The following PLEKHA8 variants were observed in gnomAD, a reference collection of about 807,000 sequenced individuals.
PLEKHA8 encodes pleckstrin homology domain containing A8, also known as pleckstrin homology domain-containing family A member 8.
In PLEKHA8, 36 loss-of-function variants were observed where a neutral mutation model predicts 68.2. The observed-to-expected ratio is 0.53, with a 90% confidence interval of 0.40 to 0.70. The LOEUF (loss-of-function observed/expected upper bound fraction) is 0.70. PLEKHA8 is among the 30% of genes least tolerant of loss of function. The probability of loss-of-function intolerance (pLI) is 0.00; values close to 1 mark genes in which losing one functional copy is unlikely to be tolerated. For missense variants in PLEKHA8, 505 were observed against 615.4 expected (o/e 0.82, Z 1.90); for synonymous variants, 211 against 216.1 (o/e 0.98, Z 0.20).
intron 13 of PLEKHA8, among the ~76,000 whole-genome samples, chr7:30,105,512 A>T (rs1201091364): frequency 1.3e-5 from 2 of 152,186 alleles, no homozygotes; most frequent in African/African-American, 4.8e-5. Context: ...CAGGAATGAC[A>T]GGATTAAAAC....
In PLEKHA8 at chr7:30,049,633, T is replaced by C. The variant is rs576829565; in HGVS notation, c.597+251T>C. Among the ~76,000 whole-genome samples the C allele has an allele frequency of 4.9e-4, 75 of 152,328 alleles. 1 individual carries two copies. The highest frequency in any genetic ancestry group is 2.4e-4 in the Non-Finnish European group (16 of 68,028). On this transcript the variant is annotated intron_variant, in intron 5 of 13. Coordinates refer to ENST00000449726, the MANE Select transcript of PLEKHA8 (RefSeq NM_001197026.2). ...CCTTGTCAGTGAGTCTTGCCTAAAG[T>C]TGTGATAGTCTTCTAACTATTAATA...
chr7:30,054,670 T>C lies in PLEKHA8; in HGVS notation c.797-39T>C, dbSNP rs770671772. 3.1e-6 allele frequency: 4 copies of C among 1,276,990 alleles called. No individual in the cohort carries two copies. The African/African-American group carries it at 6.3e-5, about 20-fold the overall frequency. 79.1% of individuals were successfully genotyped at this position (1,276,990 alleles called of 1,614,324 possible). The stretch of plus-strand genomic sequence containing the variant: ...AATCAATATGTATTTTTATAATAAA[T>C]ATATAATAGGTTAGTAATAGATATT... On this transcript the variant is annotated intron_variant, in intron 7 of 13. Coordinates refer to ENST00000449726, the MANE Select transcript of PLEKHA8 (RefSeq NM_001197026.2).
chr7:30,115,543 CATGCACGTATACATGTAGACATATGTAT>C (rs1796412239), intron 13 of PLEKHA8, among the ~76,000 whole-genome samples: 4 of 50,402 alleles, frequency 7.9e-5, no homozygotes, highest in Non-Finnish European at 2.4e-4. Context: ...CATATGTACA[CATGCACGTATACATGTAGACATATGTAT>C]ACATGCACGT....
At chr7:30,043,069 A>C (rs2127968885) in intron 1 of PLEKHA8, among the ~76,000 whole-genome samples, 1 of 152,196 alleles carries the variant, frequency 6.6e-6, no homozygotes, top group South Asian at 2.1e-4. Flanking sequence ...TGGCACAGTC[A>C]TGGCTCACTG....
At chr7:30,092,306 G>C (rs1240027823), downstream of PLEKHA8, among the ~76,000 whole-genome samples, 1 of 152,150 alleles carries the variant, frequency 6.6e-6, no homozygotes, top group Non-Finnish European at 1.5e-5. Flanking sequence ...GCTCCATCCT[G>C]CCTGGAGTTT....
chr7:30,049,043 A>AATAGTGCT, intron 4 of PLEKHA8, 181 bp from the exon 5 acceptor site: 1 of 707,000 alleles, frequency 1.4e-6, no homozygotes, highest in Non-Finnish European at 2.3e-6. Flanking sequence ...GTGAAAGTCA[A>AATAGTGCT]ATAGTGCTGA....
chr7:30,093,797 T>TC (rs1795504597), downstream of PLEKHA8, among the ~76,000 whole-genome samples: 1 of 152,200 alleles, frequency 6.6e-6, no homozygotes, highest in South Asian at 2.1e-4. Context: ...TCCAAGCAGC[T>TC]CCTCTGCTTC....
At chr7:30,096,212 T>C (rs1795613735) in intron 13 of PLEKHA8, among the ~76,000 whole-genome samples, 1 of 152,236 alleles carries the variant, frequency 6.6e-6, no homozygotes, top group Admixed American at 6.5e-5. Context: ...GAGCAGTGGT[T>C]TGTGGTTCTC....
At chr7:30,115,006 AGTGTGGGT>A (rs1392463767) in intron 13 of PLEKHA8, among the ~76,000 whole-genome samples, 1 of 152,122 alleles carries the variant, frequency 6.6e-6, no homozygotes, top group African/African-American at 2.4e-5. Flanking sequence ...TACTCTTTTC[AGTGTGGGT>A]GTAGCCTTTT....
chr7:30,031,040 C>T lies in PLEKHA8; in HGVS notation c.40+2238C>T, dbSNP rs537181817. Among the ~76,000 whole-genome samples the T allele has an allele frequency of 3.5e-4, 53 of 152,332 alleles. 1 individual carries two copies. The highest frequency in any genetic ancestry group is 3.4e-3 in the Middle Eastern group (1 of 294). ...ATGGTTTGTGTATTTGTCATGCTGA[C>T]AGCTTGATATGGGATGCCTTGTGTC... On this transcript the variant is annotated intron_variant, in intron 1 of 13. Transcript: ENST00000449726.
At chr7:30,037,012 G>C (rs1208621483) in intron 1 of PLEKHA8, among the ~76,000 whole-genome samples, 1 of 152,194 alleles carries the variant, frequency 6.6e-6, no homozygotes, top group South Asian at 2.1e-4. Flanking sequence ...CCCTAGAGAA[G>C]CTGAGTGGGG....
At chr7:30,098,797 G>A (rs554742486) in intron 13 of PLEKHA8, among the ~76,000 whole-genome samples, 1 of 152,224 alleles carries the variant, frequency 6.6e-6, no homozygotes, top group African/African-American at 2.4e-5. Flanking sequence ...GCGATGTTGC[G>A]CCCTGCTTTG....
intron 1 of PLEKHA8, among the ~76,000 whole-genome samples, chr7:30,042,873 C>T (rs1162956847): frequency 3.9e-5 from 6 of 152,218 alleles, no homozygotes; most frequent in South Asian, 4.1e-4. Flanking sequence ...TCCTGGAGCA[C>T]TGATTCTGTG....
At chr7:30,101,583 C>T (rs531495078) in intron 13 of PLEKHA8, among the ~76,000 whole-genome samples, 2 of 152,302 alleles carry the variant, frequency 1.3e-5, no homozygotes, top group East Asian at 1.9e-4. Context: ...GATCTAAGCA[C>T]CTCCCAAAGG....
intron 12 of PLEKHA8, among the ~76,000 whole-genome samples, chr7:30,069,032 C>G (rs1224444985): frequency 6.6e-6 from 1 of 152,102 alleles, no homozygotes; most frequent in Non-Finnish European, 1.5e-5. Flanking sequence ...GAGATCTGTT[C>G]TAGACTCCAT....
intron 4 of PLEKHA8, 69 bp downstream of exon 4, chr7:30,048,025 CA>C: frequency 2.3e-6 from 2 of 887,364 alleles, no homozygotes; most frequent in Non-Finnish European, 2.9e-6. Context: ...CCAGTATATC[CA>C]ATTCTGAGGT....
At position 30,049,206 on chromosome 7, in the gene PLEKHA8, A is replaced by G; in HGVS notation, c.439-18A>G. ...TTTTGGCAAGGTAAAGGAGTCTTCC[A>G]CTCTGGTTGTTTCGTAGGAGGGAAT... On this transcript the variant is annotated intron_variant, in intron 4 of 13. Transcript: ENST00000449726. The G allele has an allele frequency of 6.2e-7, 1 of 1,613,382 alleles. No homozygotes were observed. The highest frequency in any genetic ancestry group is 1.1e-5 in the South Asian group (1 of 91,048).
rs1249963918 is a variant in PLEKHA8 at position 30,074,110 on chromosome 7, G to A, written c.1340G>A (p.Trp447Ter). The change falls in exon 13 of 14, where the codon TGG becomes TAG. Residue 447 changes from tryptophan to a stop codon, truncating the protein, a stop_gained. Transcript: ENST00000449726. LOFTEE classifies it high-confidence loss of function. ...AAAACATTGCGGCAACACCATGGCT[G>A]GGTAGTTCGAGGGGTTTTTGCGGTA... ...YGKTLRQHHG[W>*]VVRGVFALAL... The A allele has an allele frequency of 1.2e-5, 19 of 1,613,174 alleles. No homozygotes were observed. Among genetic ancestry groups the A allele is most frequent in the Non-Finnish European group, 1.5e-5 (18 of 1,179,370 alleles).
intron 13 of PLEKHA8, among the ~76,000 whole-genome samples, chr7:30,126,150 T>C (rs1796768487): frequency 7.8e-6 from 1 of 127,584 alleles, no homozygotes; most frequent in Non-Finnish European, 1.7e-5. Flanking sequence ...ATTTTGTGTC[T>C]TCAGCCAAGG....
Sources: allele counts gnomAD v4.1 joint callset (sites outside exome capture counted in the v4.1 genomes callset), GRCh38; gene constraint gnomAD v4.1.1; transcripts MANE v1.5; gene names NCBI Gene and HGNC (gene_info 2026-07-23, HGNC 2026-07-21).